ZNF385C: variants seen among roughly 807,000 people sequenced by gnomAD.
ZNF385C encodes zinc finger protein 385C.
A neutral mutation model predicts 35.4 loss-of-function variants in ZNF385C; 28 were observed. The ratio of observed to expected loss-of-function variants is 0.79; its 90% CI spans 0.59 to 1.08. The LOEUF (loss-of-function observed/expected upper bound fraction) is 1.08, where lower values mean the gene tolerates loss of function less well. Among genes scored for constraint, ZNF385C ranks in the 50% least tolerant of loss-of-function variants. The pLI is 0.00. For missense variants in ZNF385C, 605 were observed against 595.6 expected (o/e 1.02, Z -0.16); for synonymous variants, 248 against 248.2 (o/e 1.00, Z 0.01).
In ZNF385C at chr17:42,065,775, C is replaced by T. The variant is rs141483229; in HGVS notation, c.-2-2717G>A. ...AACTTCTGTGCTCATGTGGTCTGCC[C>T]GCCTCGGCATCCCTAAGTGCTGGGG... On this transcript the variant is annotated intron_variant, in intron 1 of 8. Coordinates refer to ENST00000692273, the MANE Select transcript of ZNF385C (RefSeq NM_001392013.1). 6.1e-3 allele frequency among the ~76,000 whole-genome samples: 921 copies of T among 151,380 alleles called. 8 individuals are homozygous for T. Among genetic ancestry groups the T allele is most frequent in the African/African-American group, 0.016 (647 of 41,204 alleles).
At position 42,095,757 on chromosome 17, in the gene ZNF385C, C is replaced by T. The variant is rs138158155; in HGVS notation, c.-3+2653G>A. 1.7e-4 allele frequency among the ~76,000 whole-genome samples: 26 copies of T among 152,186 alleles called. No individual in the cohort carries two copies. In the South Asian group the frequency reaches 2.9e-3, roughly 17 times the overall value. ...GGTCCAGGTAAGCATGTTCTAAGCC[C>T]AGTTTTATAGGGGTGCTACTCTACT... On this transcript the variant is annotated intron_variant, in intron 1 of 8. Coordinates refer to ENST00000692273, the MANE Select transcript of ZNF385C (RefSeq NM_001392013.1). The surrounding 1 kb of genome is among the most constrained non-coding windows in gnomAD (Gnocchi z 4.4).
intron 4 of ZNF385C, among the ~76,000 whole-genome samples, chr17:42,033,604 T>A (rs1240008177): frequency 6.6e-6 from 1 of 151,906 alleles, no homozygotes; most frequent in Admixed American, 6.6e-5. Context: ...TATAAAAAAA[T>A]TAGCCAGGCG....
intron 5 of ZNF385C, among the ~76,000 whole-genome samples, chr17:42,029,759 C>G (rs1183894316): frequency 1.3e-5 from 2 of 151,344 alleles, no homozygotes; most frequent in Admixed American, 1.3e-4. Flanking sequence ...ATGGGCCAGA[C>G]GCAGTGGCTC....
chr17:42,081,973 A>G (rs1484956199), intron 1 of ZNF385C, among the ~76,000 whole-genome samples: 1 of 152,100 alleles, frequency 6.6e-6, no homozygotes, highest in Admixed American at 6.5e-5. Context: ...TCTTCCTCAC[A>G]CTGAGCCTGG....
intron 2 of ZNF385C, chr17:42,040,312 ACGCCG>A: frequency 8.1e-7 from 1 of 1,231,700 alleles, no homozygotes; most frequent in Non-Finnish European, 1.0e-6. Context: ...GAGCAGCTCC[ACGCCG>A]CGGTAGGTGC....
chr17:42,063,205 C>T (rs2053491273), intron 1 of ZNF385C, 147 bp from the exon 2 acceptor site: 1 of 478,290 alleles, frequency 2.1e-6, no homozygotes. Context: ...TGGAAGGGCG[C>T]ATAATGGGGT....
chr17:42,030,838 G>T (rs1369773408), intron 5 of ZNF385C, among the ~76,000 whole-genome samples: 1 of 152,162 alleles, frequency 6.6e-6, no homozygotes, highest in African/African-American at 2.4e-5. Flanking sequence ...GGAGATGGAG[G>T]TGGAGATTGG....
At chr17:42,090,277 CTTTTTTTTTTT>C (rs1162613191) in intron 1 of ZNF385C, among the ~76,000 whole-genome samples, 3 of 98,922 alleles carry the variant, frequency 3.0e-5, no homozygotes, top group Middle Eastern at 5.4e-3. Flanking sequence ...CTCTTATTCC[CTTTTTTTTTTT>C]TTTTTTTTTT....
intron 5 of ZNF385C, among the ~76,000 whole-genome samples, chr17:42,029,731 CAAAA>C (rs1301438790): frequency 2.0e-5 from 3 of 150,130 alleles, no homozygotes; most frequent in Admixed American, 2.0e-4. Flanking sequence ...AACAAACAAA[CAAAA>C]AAAACACAGT....
At position 42,027,734 on chromosome 17, in the gene ZNF385C, GGACA is replaced by G. The variant is rs782283079; in HGVS notation, c.1165-10_1165-7del. ...TGCCTCCTGCTGCTCATGTGCTAAT[GGACA>G]GACAGACAGACTGGGAACAAGATGA... On this transcript the variant is annotated splice_polypyrimidine_tract_variant and splice_region_variant and intron_variant, in intron 7 of 8. Transcript: ENST00000692273. 1.6e-5 allele frequency: 26 copies of G among 1,610,016 alleles called. No homozygotes were observed. Among genetic ancestry groups the G allele is most frequent in the East Asian group, 1.1e-4 (5 of 44,790 alleles).
intron 1 of ZNF385C, among the ~76,000 whole-genome samples, chr17:42,096,946 G>A (rs56226159): frequency 0.06 from 8,625 of 144,888 alleles, 324 homozygotes; most frequent in East Asian, 0.15. Context: ...GGCATGCAGT[G>A]AAGGGCACTC....
chr17:42,060,327 A>G (rs2053442000), intron 2 of ZNF385C, among the ~76,000 whole-genome samples: 1 of 152,118 alleles, frequency 6.6e-6, no homozygotes, highest in Non-Finnish European at 1.5e-5. Context: ...AGCCAGAGAC[A>G]CCTAAAAACA....
chr17:42,027,958 T>G (rs1479297869), intron 7 of ZNF385C, 92 bp downstream of exon 7: 5 of 1,493,770 alleles, frequency 3.3e-6, no homozygotes, highest in Non-Finnish European at 4.6e-6. Flanking sequence ...TGCTGTGCCC[T>G]GCCTGCTCTC....
At chr17:42,041,084 T>A in intron 2 of ZNF385C, 1 of 1,232,370 alleles carries the variant, frequency 8.1e-7, no homozygotes, top group Non-Finnish European at 1.0e-6. Flanking sequence ...AGGGCCAGGC[T>A]GTGTGACTCC....
intron 2 of ZNF385C, chr17:42,043,528 G>T: frequency 1.9e-6 from 1 of 533,122 alleles, no homozygotes; most frequent in Non-Finnish European, 2.9e-6. Flanking sequence ...ATCCATCTAA[G>T]CCTGGAGAGT....
chr17:42,037,454 G>A (rs2052884801), intron 3 of ZNF385C, among the ~76,000 whole-genome samples: 1 of 151,610 alleles, frequency 6.6e-6, no homozygotes, highest in Non-Finnish European at 1.5e-5. Context: ...AGAAGCTTAA[G>A]TGGAATGCAC....
At chr17:42,085,170 A>G (rs904576420) in intron 1 of ZNF385C, among the ~76,000 whole-genome samples, 1 of 151,602 alleles carries the variant, frequency 6.6e-6, no homozygotes, top group Non-Finnish European at 1.5e-5. Flanking sequence ...GGTGGCGTGC[A>G]CCTGTAATCC....
chr17:42,062,929 G>A lies in ZNF385C; in HGVS notation c.128C>T (p.Thr43Met), dbSNP rs377078759. The change falls in exon 2 of 9, where the codon ACG (threonine) becomes ATG (methionine). Residue 43 changes from threonine to methionine, a missense_variant. Coordinates refer to ENST00000692273, the MANE Select transcript of ZNF385C (RefSeq NM_001392013.1). The part of the protein sequence containing the change: ...PKRERKRPSY[T>M]LCDVCNIQLN... The stretch of plus-strand genomic sequence containing the variant: ...CTGGATGTTGCAGACATCACAGAGC[G>A]TGTACGATGGCCGCTTTCTTTCTCG... 4.2e-5 allele frequency: 29 copies of A among 698,288 alleles called. No homozygotes were observed. The highest frequency in any genetic ancestry group is 4.6e-4 in the Middle Eastern group (2 of 4,350). 43.3% of individuals were successfully genotyped at this position (698,288 alleles called of 1,614,324 possible). A position where few individuals can be genotyped will look rare whatever the true frequency, so the allele number is the denominator to read the frequency against.
rs948626150 is a variant in ZNF385C, at chr17:42,031,601, G to A, written c.676+18C>T. ...ATTTGGAGTGGAGACGTGGGAAAGA[G>A]AAGAGCTCAGGACTGACCTTTACTC... On this transcript the variant is annotated intron_variant, in intron 5 of 8. Transcript: ENST00000692273. 3 of 1,530,590 alleles carry A rather than the reference G, an allele frequency of 2.0e-6. No individual in the cohort carries two copies. In the South Asian group the frequency reaches 3.6e-5, roughly 18 times the overall value. The allele number at this position is 1,530,590 out of a possible 1,614,324, so 94.8% of individuals were successfully genotyped here. A position where few individuals can be genotyped will look rare whatever the true frequency, so the allele number is the denominator to read the frequency against.
Sources: gnomAD v4.1 joint callset for allele counts (sites outside exome capture counted in the v4.1 genomes callset) on GRCh38, gnomAD v4.1.1 for gene constraint, Gnocchi (gnomAD v3.1) non-coding constraint, MANE v1.5 for transcripts, NCBI Gene and HGNC (gene_info 2026-07-23, HGNC 2026-07-21) for gene names.